Variants in LMBRD1 observed in about 807,000 individuals in gnomAD.
The protein encoded by LMBRD1 is LMBR1 domain containing 1, also known as lysosomal cobalamin transport escort protein LMBD1.
In LMBRD1, 64 loss-of-function variants were observed where a neutral mutation model predicts 74.8. The ratio of observed to expected loss-of-function variants is 0.86; its 90% CI spans 0.70 to 1.05. The LOEUF (loss-of-function observed/expected upper bound fraction) is 1.05. Ranked by LOEUF, LMBRD1 falls within the 50% of genes least tolerant of loss-of-function variation. The pLI is 0.00. For synonymous variants in LMBRD1, 204 were observed against 216.3 expected (o/e 0.94, Z 0.50); for missense variants, 652 against 645.9 (o/e 1.01, Z -0.10).
rs1765539224 is a variant in LMBRD1, at chr6:69,676,166, A to G, written c.1615T>C (p.Ser539Pro). ...DISDDEPSVY[S>P]A The stretch of plus-strand genomic sequence containing the variant: ...TTTAAGACAGAAGGCTGTCAAGCAG[A>G]ATAGACAGAGGGCTCATCATCACTT... Residue 539 changes from serine to proline, a missense_variant, in exon 16 of 16, where the codon TCT (serine) becomes CCT (proline). Around this residue, in one of 3 missense-constraint regions of LMBRD1, gnomAD observed 51 missense variants for 46.9 expected, o/e 1.09. Transcript: ENST00000649934. The G allele has an allele frequency of 6.2e-7, 1 of 1,611,062 alleles. No individual in the cohort carries two copies.
chr6:69,761,236 T>C (rs1765365656), intron 3 of LMBRD1, among the ~76,000 whole-genome samples: 1 of 152,170 alleles, frequency 6.6e-6, no homozygotes, highest in African/African-American at 2.4e-5. Context: ...TGAAGAACAG[T>C]TGTTTTCCCC....
chr6:69,780,431 T>A, intron 3 of LMBRD1, 63 bp downstream of exon 3: 2 of 1,199,858 alleles, frequency 1.7e-6, no homozygotes, highest in Non-Finnish European at 2.5e-6. Flanking sequence ...TCTCCACTCA[T>A]CGGAGTCGTA....
intron 13 of LMBRD1, among the ~76,000 whole-genome samples, chr6:69,697,944 G>T (rs984429929): frequency 7.9e-5 from 12 of 152,134 alleles, no homozygotes; most frequent in East Asian, 5.8e-4. Context: ...TCAGACTGTG[G>T]AACATGCAAA....
At chr6:69,692,111 A>G (rs1039113995) in intron 14 of LMBRD1, among the ~76,000 whole-genome samples, 1 of 152,082 alleles carries the variant, frequency 6.6e-6, no homozygotes, top group African/African-American at 2.4e-5. Flanking sequence ...AGCCTGCTTT[A>G]GCTTTTAATT....
At chr6:69,777,048 C>T (rs571014236) in intron 3 of LMBRD1, among the ~76,000 whole-genome samples, 5 of 151,910 alleles carry the variant, frequency 3.3e-5, no homozygotes, top group South Asian at 2.1e-4. Context: ...CTCGGGAGGC[C>T]GAGGCAAGAG....
At chr6:69,745,603 T>C (rs1767208568) in intron 5 of LMBRD1, among the ~76,000 whole-genome samples, 1 of 152,206 alleles carries the variant, frequency 6.6e-6, no homozygotes, top group South Asian at 2.1e-4. Context: ...TCTACTTACC[T>C]GGCTAATGTC....
intron 12 of LMBRD1, among the ~76,000 whole-genome samples, chr6:69,700,326 G>C (rs1766098719): frequency 6.6e-6 from 1 of 151,754 alleles, no homozygotes; most frequent in Admixed American, 6.6e-5. Context: ...CTAATAGGGA[G>C]GGCTATCTTT....
At chr6:69,734,637 C>T (rs1766935367) in intron 7 of LMBRD1, among the ~76,000 whole-genome samples, 1 of 152,108 alleles carries the variant, frequency 6.6e-6, no homozygotes, top group Admixed American at 6.6e-5. Flanking sequence ...CTCAGGTGAC[C>T]CGCCCACCTC....
In LMBRD1 at chr6:69,700,424, A is replaced by G. The variant is rs145152935; in HGVS notation, c.1188+341T>C. Among the ~76,000 whole-genome samples, 2,465 of 151,960 alleles carry G rather than the reference A, an allele frequency of 0.016. 54 individuals carry two copies. Among genetic ancestry groups the G allele is most frequent in the African/African-American group, 0.056 (2,305 of 41,516 alleles). ...ACCAGGGTTTCTCAACCATGGAACT[A>G]TTGACATTTTAGGCTAGGTAAGTCT... On this transcript the variant is annotated intron_variant, in intron 12 of 15. Transcript: ENST00000649934.
chr6:69,731,905 C>T (rs907566650), intron 7 of LMBRD1, among the ~76,000 whole-genome samples: 3 of 152,082 alleles, frequency 2.0e-5, no homozygotes, highest in Non-Finnish European at 2.9e-5. Flanking sequence ...GTTTTAGGAA[C>T]GCCTTTCATT....
At chr6:69,780,590 A>C in intron 2 of LMBRD1, 36 bp from the exon 3 acceptor site, 1 of 1,480,204 alleles carries the variant, frequency 6.8e-7, no homozygotes, top group Non-Finnish European at 9.4e-7. Context: ...TATTAATGAA[A>C]CACCCATTTG....
chr6:69,743,884 G>C (rs1161589771), intron 5 of LMBRD1, among the ~76,000 whole-genome samples: 1 of 152,024 alleles, frequency 6.6e-6, no homozygotes, highest in African/African-American at 2.4e-5. Flanking sequence ...GCACCTGACT[G>C]GTATAAAAGC....
At chr6:69,767,358 G>T (rs1765492998) in intron 3 of LMBRD1, among the ~76,000 whole-genome samples, 1 of 151,352 alleles carries the variant, frequency 6.6e-6, no homozygotes, top group Non-Finnish European at 1.5e-5. Context: ...TCTGAGCTCT[G>T]CTTGAGCTAT....
At chr6:69,719,779 C>A (rs1030604718) in intron 7 of LMBRD1, among the ~76,000 whole-genome samples, 4 of 152,170 alleles carry the variant, frequency 2.6e-5, no homozygotes, top group Admixed American at 6.5e-5. Context: ...GAAACACTGA[C>A]AACTATCACC....
intron 14 of LMBRD1, 25 bp downstream of exon 14, chr6:69,697,538 A>G (rs1426636299): frequency 6.7e-6 from 10 of 1,485,618 alleles, no homozygotes; most frequent in Admixed American, 3.3e-5. Flanking sequence ...AAAAAGTTGT[A>G]AGTTCTAAAA....
chr6:69,767,913 TTC>T (rs930101368), intron 3 of LMBRD1, among the ~76,000 whole-genome samples: 2 of 151,984 alleles, frequency 1.3e-5, no homozygotes, highest in African/African-American at 4.8e-5. Flanking sequence ...ATTATAATTT[TTC>T]TGTCATTTTA....
chr6:69,711,082 A>G (rs1766372763), intron 9 of LMBRD1, among the ~76,000 whole-genome samples: 1 of 152,188 alleles, frequency 6.6e-6, no homozygotes, highest in African/African-American at 2.4e-5. Context: ...GAGTGAATAA[A>G]CAAATTGTGA....
At position 69,780,506 on chromosome 6, in the gene LMBRD1, A is replaced by G. The variant is rs781267350; in HGVS notation, c.295T>C (p.Tyr99His). The G allele has an allele frequency of 3.0e-5, 48 of 1,608,934 alleles. No homozygotes were observed. The highest frequency in any genetic ancestry group is 3.8e-5 in the Non-Finnish European group (45 of 1,175,426). ...VSRQIEDTVL[Y>H]GYYTLYSVIL... ...GAAAGATACTTACTATAGTAACCGT[A>G]TAATACAGTGTCCTCAATCTGTCTG... The change falls in exon 3 of 16, where the codon TAC (tyrosine) becomes CAC (histidine). Residue 99 changes from tyrosine to histidine, a missense_variant. Physicochemically the swap from Tyr to His is moderately conservative, Grantham distance 83 (BLOSUM62 2). Coordinates refer to ENST00000649934, the MANE Select transcript of LMBRD1 (RefSeq NM_018368.4).
At chr6:69,698,045 G>C (rs1766045072) in intron 13 of LMBRD1, among the ~76,000 whole-genome samples, 1 of 151,972 alleles carries the variant, frequency 6.6e-6, no homozygotes, top group South Asian at 2.1e-4. Context: ...GTAGGTGAAG[G>C]GGATGAGGCA....
Sources: gnomAD v4.1 joint callset for allele counts (sites outside exome capture counted in the v4.1 genomes callset) on GRCh38, gnomAD v4.1.1 for gene constraint, gnomAD v4.1.1 regional missense constraint, MANE v1.5 for transcripts, NCBI Gene and HGNC (gene_info 2026-07-23, HGNC 2026-07-21) for gene names.